NOL8: variants seen among roughly 807,000 people sequenced by gnomAD.
NOL8 encodes nucleolar protein 8.
Under a neutral mutation model 116.1 loss-of-function variants are expected in NOL8, and 93 were observed. That is an observed-to-expected ratio of 0.80 (90% CI 0.68 to 0.95). The LOEUF (loss-of-function observed/expected upper bound fraction) is 0.95, where lower values mean the gene tolerates loss of function less well. Ranked by LOEUF, NOL8 falls within the 40% of genes least tolerant of loss-of-function variation. The probability of loss-of-function intolerance (pLI) is 0.00; values close to 1 mark genes in which losing one functional copy is unlikely to be tolerated. For synonymous variants in NOL8, 419 were observed against 469.0 expected, an observed-to-expected ratio of 0.89 and a Z score of 1.38; for missense variants, 1,291 against 1,382.8, an observed-to-expected ratio of 0.93 and a Z score of 1.05.
intron 10 of NOL8, 30 bp from the exon 11 acceptor site, chr9:92,307,054 C>T (rs1838329916): frequency 4.4e-6 from 7 of 1,590,460 alleles, no homozygotes; most frequent in Admixed American, 1.8e-5. Context: ...TTAATACTCT[C>T]TTGGAAAACA....
chr9:92,312,601 C>A (rs1441854719), intron 7 of NOL8, among the ~76,000 whole-genome samples: 1 of 151,314 alleles, frequency 6.6e-6, no homozygotes, highest in Non-Finnish European at 1.5e-5. Context: ...CCAAGACAGG[C>A]GGATCACGTG....
chr9:92,311,144 A>G lies in NOL8; in HGVS notation c.2472+2T>C. ...TCCACAGAGACATCCTGAACTTCTTACTTTCACCCATTCCTCTCCTGGATG... is the reference window on the plus strand; with the variant it reads ...TCCACAGAGACATCCTGAACTTCTTGCTTTCACCCATTCCTCTCCTGGATG... On this transcript the variant is annotated splice_donor_variant, in intron 8 of 16. Transcript: ENST00000442668. LOFTEE classifies it high-confidence loss of function. The G allele has an allele frequency of 6.2e-7, 1 of 1,607,190 alleles. No homozygotes were observed. The highest frequency in any genetic ancestry group is 8.5e-7 in the Non-Finnish European group (1 of 1,174,086).
In NOL8 at chr9:92,319,427, G is replaced by A. The variant is rs531056158; in HGVS notation, c.282-71C>T. 2.8e-5 allele frequency: 40 copies of A among 1,431,068 alleles called. 1 individual carries two copies. In the African/African-American group the frequency reaches 3.4e-4, roughly 12 times the overall value. 88.6% of individuals were successfully genotyped at this position (1,431,068 alleles called of 1,614,324 possible). ...CACGTAAAATGGTTATTTCACTTTA[G>A]GTGTGCCTAAATGAGCACTATAAAC... On this transcript the variant is annotated intron_variant, in intron 4 of 16. Transcript: ENST00000442668.
chr9:92,299,718 C>T (rs1467221505), intron 14 of NOL8, among the ~76,000 whole-genome samples, 172 bp downstream of exon 14: 2 of 150,814 alleles, frequency 1.3e-5, no homozygotes, highest in Non-Finnish European at 2.9e-5. Context: ...TGCCATTGCA[C>T]TACAGCCTGG....
intron 1 of NOL8, chr9:92,324,508 G>C (rs1420129236): frequency 1.2e-5 from 2 of 169,306 alleles, no homozygotes; most frequent in African/African-American, 4.8e-5. Flanking sequence ...CATGTTTTTA[G>C]ATGTTTTTCC....
chr9:92,316,470 C>T (rs912452829), intron 6 of NOL8, among the ~76,000 whole-genome samples: 3 of 152,168 alleles, frequency 2.0e-5, no homozygotes, highest in African/African-American at 4.8e-5. Context: ...ATCCAACCAT[C>T]GAACTGATAC....
Position 92,315,705 on chromosome 9 carries a change from T to C in NOL8, c.920A>G (p.Glu307Gly). 1 of 1,612,742 alleles carries C rather than the reference T, an allele frequency of 6.2e-7. No individual in the cohort carries two copies. The highest frequency in any genetic ancestry group is 8.5e-7 in the Non-Finnish European group (1 of 1,179,184). ...CTCTTTCGCAATCATCATTCTCAAT[T>C]CATCTTCAGAATCAGTATCATCATC... ...ISDDDTDSED[E>G]LRMMIAKEEN... is the part of the protein sequence containing the mutation. Residue 307 changes from glutamate to glycine, a missense_variant, in exon 7 of 17, where the codon GAA becomes GGA. Glu to Gly is a moderately conservative substitution (Grantham distance 98, BLOSUM62 -2). Coordinates refer to ENST00000442668, the MANE Select transcript of NOL8 (RefSeq NM_017948.6).
intron 7 of NOL8, among the ~76,000 whole-genome samples, chr9:92,313,092 A>C (rs536650246): frequency 6.6e-6 from 1 of 151,984 alleles, no homozygotes; most frequent in Admixed American, 6.6e-5. Context: ...TTCCTTATCT[A>C]GTGAATGCCA....
chr9:92,316,800 A>C (rs1411098311), intron 6 of NOL8, among the ~76,000 whole-genome samples: 1 of 152,196 alleles, frequency 6.6e-6, no homozygotes, highest in Non-Finnish European at 1.5e-5. Flanking sequence ...AAAAATAAAA[A>C]TTAAAAATTA....
intron 8 of NOL8, 129 bp from the exon 9 acceptor site, chr9:92,310,804 G>T: frequency 2.0e-6 from 2 of 993,864 alleles, no homozygotes; most frequent in Non-Finnish European, 2.9e-6. Flanking sequence ...GTAAATGGCA[G>T]GTCAGGTGGA....
intron 7 of NOL8, among the ~76,000 whole-genome samples, chr9:92,312,688 G>A (rs1838929963): frequency 6.6e-6 from 1 of 150,466 alleles, no homozygotes; most frequent in South Asian, 2.1e-4. Flanking sequence ...TTAGCTGGGC[G>A]TGGTGGCAGG....
At position 92,314,447 on chromosome 9, in the gene NOL8, G is replaced by A; in HGVS notation, c.2178C>T (p.Val726=). 6.2e-7 allele frequency: 1 copy of A among 1,612,906 alleles called. No individual in the cohort carries two copies. Among genetic ancestry groups the A allele is most frequent in the Admixed American group, 1.7e-5 (1 of 59,982 alleles). Residue 726 remains valine, a synonymous_variant, in exon 7 of 17, where the codon GTC becomes GTT. Coordinates refer to ENST00000442668, the MANE Select transcript of NOL8 (RefSeq NM_017948.6). ...GLTSLKKSPK[V]SSKDTREIKT... is the part of the protein sequence containing the mutation. ...TGATTTCCCGAGTGTCCTTGGATGA[G>A]ACCTTTGGTGATTTCTTGAGAGATG... is the stretch of plus-strand genomic sequence containing the variant.
chr9:92,307,656 C>CGAA (rs1838397771), intron 10 of NOL8, among the ~76,000 whole-genome samples: 1 of 152,190 alleles, frequency 6.6e-6, no homozygotes. Flanking sequence ...CTGTATGACT[C>CGAA]TTTCAACTTA....
At chr9:92,316,470 C>A (rs912452829) in intron 6 of NOL8, among the ~76,000 whole-genome samples, 2 of 152,168 alleles carry the variant, frequency 1.3e-5, no homozygotes, top group African/African-American at 4.8e-5. Context: ...ATCCAACCAT[C>A]GAACTGATAC....
At chr9:92,317,436 T>C (rs1587996045) in intron 6 of NOL8, among the ~76,000 whole-genome samples, 1 of 152,324 alleles carries the variant, frequency 6.6e-6, no homozygotes, top group South Asian at 2.1e-4. Context: ...ATCAGTACTT[T>C]CCTGACTTTG....
chr9:92,318,516 A>T, intron 6 of NOL8, 102 bp downstream of exon 6: 1 of 839,836 alleles, frequency 1.2e-6, no homozygotes, highest in Non-Finnish European at 1.9e-6. Flanking sequence ...ACACGCAAAC[A>T]AACACCTAAA....
intron 4 of NOL8, 109 bp downstream of exon 4, chr9:92,321,559 G>T: frequency 1.5e-6 from 1 of 671,514 alleles, no homozygotes; most frequent in South Asian, 2.0e-5. Context: ...TTATATGTTT[G>T]AATTTGTTAA....
intron 10 of NOL8, among the ~76,000 whole-genome samples, chr9:92,308,699 TATG>T (rs1233349493): frequency 6.6e-6 from 1 of 152,138 alleles, no homozygotes; most frequent in African/African-American, 2.4e-5. Context: ...ACCAGGAAGT[TATG>T]ATGCAATTGG....
chr9:92,301,409 TG>T, intron 13 of NOL8, 141 bp downstream of exon 13: 1 of 665,462 alleles, frequency 1.5e-6, no homozygotes, highest in South Asian at 2.2e-5. Context: ...TTTATGCTCC[TG>T]TGACACTAAA....
Sources: allele counts gnomAD v4.1 joint callset (sites outside exome capture counted in the v4.1 genomes callset), GRCh38; gene constraint gnomAD v4.1.1; transcripts MANE v1.5; gene names NCBI Gene and HGNC (gene_info 2026-07-23, HGNC 2026-07-21).